The following MGMT variants were observed in gnomAD, a reference collection of about 807,000 sequenced individuals.
The protein encoded by MGMT is methylated-DNA--protein-cysteine methyltransferase.
A neutral mutation model predicts 15.9 loss-of-function variants in MGMT; 14 were observed. The observed-to-expected ratio is 0.88, with a 90% CI of 0.58 to 1.37. The LOEUF (loss-of-function observed/expected upper bound fraction) is 1.37, where lower values mean the gene tolerates loss of function less well. MGMT is among the 40% of genes most tolerant of loss of function. The pLI is 0.00. For missense variants in MGMT, 282 were observed against 268.1 expected (o/e 1.05, Z -0.36); for synonymous variants, 130 against 118.2 (o/e 1.10, Z -0.65).
At chr10:129,746,436 T>C (rs1848697426) in intron 3 of MGMT, among the ~76,000 whole-genome samples, 2 of 151,966 alleles carry the variant, frequency 1.3e-5, no homozygotes, top group African/African-American at 4.8e-5. Flanking sequence ...TCTTTTTTTT[T>C]TTAGTTTAAT....
At chr10:129,640,748 T>C (rs35921862) in intron 2 of MGMT, among the ~76,000 whole-genome samples, 22 of 152,148 alleles carry the variant, frequency 1.4e-4, no homozygotes, top group Non-Finnish European at 2.9e-4. Context: ...CCAGGAAATA[T>C]ATAAAGGATG....
At chr10:129,620,906 T>C (rs548680520) in intron 2 of MGMT, among the ~76,000 whole-genome samples, 4 of 152,202 alleles carry the variant, frequency 2.6e-5, no homozygotes, top group South Asian at 4.1e-4. Flanking sequence ...ATTGAATCCT[T>C]TTTTGATTTC....
chr10:129,614,726 G>A (rs989756371), intron 2 of MGMT, among the ~76,000 whole-genome samples: 9 of 152,200 alleles, frequency 5.9e-5, no homozygotes, highest in African/African-American at 2.2e-4. Context: ...GATGTGACAG[G>A]CAATCTAGTT....
At chr10:129,663,781 A>C (rs529583654) in intron 2 of MGMT, among the ~76,000 whole-genome samples, 2 of 152,354 alleles carry the variant, frequency 1.3e-5, no homozygotes, top group South Asian at 2.1e-4. Context: ...AGAAAGCTTA[A>C]ATAAACCAAT....
intron 2 of MGMT, among the ~76,000 whole-genome samples, chr10:129,589,988 C>T (rs114509534): frequency 2.0e-5 from 3 of 152,178 alleles, no homozygotes; most frequent in African/African-American, 4.8e-5. Context: ...TGAGGGTGGG[C>T]GAGACTGAGA....
intron 1 of MGMT, among the ~76,000 whole-genome samples, chr10:129,509,926 C>T (rs893572172): frequency 6.6e-6 from 1 of 152,186 alleles, no homozygotes; most frequent in Non-Finnish European, 1.5e-5. Flanking sequence ...GGGGCTGTTT[C>T]CTAGTGCTGG....
At chr10:129,578,272 C>T (rs978049150) in intron 2 of MGMT, among the ~76,000 whole-genome samples, 16 of 152,032 alleles carry the variant, frequency 1.1e-4, no homozygotes, top group Admixed American at 5.9e-4. Flanking sequence ...AGCAAAAACT[C>T]GGAACCAACC....
At chr10:129,698,289 T>C (rs1294971827) in intron 2 of MGMT, among the ~76,000 whole-genome samples, 2 of 152,172 alleles carry the variant, frequency 1.3e-5, no homozygotes, top group Non-Finnish European at 2.9e-5. Context: ...GTTGACCAGA[T>C]GCCCCATTTG....
At position 129,554,815 on chromosome 10, in the gene MGMT, G is replaced by T. The variant is rs78897392; in HGVS notation, c.125+18438G>T. 4.5e-4 allele frequency among the ~76,000 whole-genome samples: 68 copies of T among 152,160 alleles called. 2 individuals carry two copies. The East Asian group carries it at 0.013, about 29-fold the overall frequency. On this transcript the variant is annotated intron_variant, in intron 2 of 4. Transcript: ENST00000651593. ...CAGGTATGCCAGCCTGTACTTCCTG[G>T]CATTATTACCCAGTGGCCCATAGCT... is the stretch of plus-strand genomic sequence containing the variant.
At chr10:129,506,580 G>T (rs1845627744) in intron 1 of MGMT, among the ~76,000 whole-genome samples, 1 of 152,098 alleles carries the variant, frequency 6.6e-6, no homozygotes, top group Non-Finnish European at 1.5e-5. Flanking sequence ...GCTGGTGGCT[G>T]CCTCGATGCT....
In MGMT at chr10:129,638,435, AAAAAAAAAAAG is replaced by A. The variant is rs1172114818; in HGVS notation, c.126-69443_126-69433del. Among the ~76,000 whole-genome samples, 503 of 126,792 alleles carry A rather than the reference AAAAAAAAAAAG, an allele frequency of 4.0e-3. 5 individuals are homozygous for A. The highest frequency in any genetic ancestry group is 0.014 in the African/African-American group (441 of 30,856). 83.2% of individuals were successfully genotyped at this position (126,792 alleles called of 152,430 possible). ...CAAGAGAGGACCAAAGAGGCAAAAA[AAAAAAAAAAAG>A]AAAAAAAAAAGAAAAATAACTGACG... On this transcript the variant is annotated intron_variant, in intron 2 of 4. Transcript: ENST00000651593.
At chr10:129,543,673 T>G (rs1430313955) in intron 2 of MGMT, among the ~76,000 whole-genome samples, 1 of 151,976 alleles carries the variant, frequency 6.6e-6, no homozygotes, top group Non-Finnish European at 1.5e-5. Flanking sequence ...GGTCCTTATG[T>G]GCTGGACTCA....
intron 1 of MGMT, among the ~76,000 whole-genome samples, chr10:129,512,657 T>G (rs1364271824): frequency 2.0e-5 from 3 of 152,144 alleles, no homozygotes; most frequent in Non-Finnish European, 4.4e-5. Flanking sequence ...TGTTTCTGAG[T>G]TGAGTTGTGG....
chr10:129,593,755 A>T (rs1026762454), intron 2 of MGMT, among the ~76,000 whole-genome samples: 1 of 152,126 alleles, frequency 6.6e-6, no homozygotes, highest in Non-Finnish European at 1.5e-5. Context: ...GCTTCCAAAG[A>T]GGTTTTCAAG....
intron 2 of MGMT, among the ~76,000 whole-genome samples, chr10:129,605,588 C>A (rs1414066046): frequency 6.9e-6 from 1 of 144,374 alleles, no homozygotes; most frequent in African/African-American, 2.4e-5. Flanking sequence ...TAAAAAAAAA[C>A]ATGGAAAATG....
rs1053347895 is a variant in MGMT at position 129,532,013 on chromosome 10, A to G, written c.-12-4228A>G. ...AACTCATTCATTGTTGCAGTTATAA[A>G]CTGGTTGCCTTTTTTCGGTTCTTGG... On this transcript the variant is annotated intron_variant, in intron 1 of 4. Transcript: ENST00000651593. The surrounding 1 kb of genome is among the most constrained non-coding windows in gnomAD (Gnocchi z 5.3). Among the ~76,000 whole-genome samples, 1 of 152,136 alleles carries G rather than the reference A, an allele frequency of 6.6e-6. No homozygotes were observed. The highest frequency in any genetic ancestry group is 1.5e-5 in the Non-Finnish European group (1 of 68,030).
At chr10:129,593,527 T>C (rs904646894) in intron 2 of MGMT, among the ~76,000 whole-genome samples, 2 of 152,354 alleles carry the variant, frequency 1.3e-5, no homozygotes, top group Admixed American at 6.5e-5. Context: ...ACGGAATTGC[T>C]TCGGATCCTT....
chr10:129,520,806 G>A (rs544464830), intron 1 of MGMT, among the ~76,000 whole-genome samples: 1 of 148,232 alleles, frequency 6.7e-6, no homozygotes, highest in African/African-American at 2.5e-5. Context: ...CGGGTGCAGA[G>A]CCCCTACGGT....
chr10:129,764,420 C>T (rs926095357), intron 4 of MGMT, among the ~76,000 whole-genome samples: 1 of 152,214 alleles, frequency 6.6e-6, no homozygotes, highest in African/African-American at 2.4e-5. Flanking sequence ...GTGGCAGGTA[C>T]ATGTGTGGCA....
Sources: gnomAD v4.1 joint callset for allele counts (sites outside exome capture counted in the v4.1 genomes callset) on GRCh38, gnomAD v4.1.1 for gene constraint, Gnocchi (gnomAD v3.1) non-coding constraint, MANE v1.5 for transcripts, NCBI Gene and HGNC (gene_info 2026-07-23, HGNC 2026-07-21) for gene names.